The following MYO18B variants were observed in gnomAD, a reference collection of about 807,000 sequenced individuals.
MYO18B encodes myosin XVIIIB.
In MYO18B, 204 loss-of-function variants were observed where a neutral mutation model predicts 273.0. That is an observed-to-expected ratio of 0.75 (90% CI 0.67 to 0.84). The LOEUF (loss-of-function observed/expected upper bound fraction) is 0.84, where lower values mean the gene tolerates loss of function less well. MYO18B is among the 40% of genes least tolerant of loss of function. The pLI, the probability that MYO18B is intolerant of heterozygous loss-of-function variation, is 0.00. For missense variants in MYO18B, 3,212 were observed against 3,287.6 expected, an observed-to-expected ratio of 0.98 and a Z score of 0.56; for synonymous variants, 1,330 against 1,305.7, an observed-to-expected ratio of 1.02 and a Z score of -0.40.
At chr22:25,905,311 G>A (rs1350126206) in intron 31 of MYO18B, among the ~76,000 whole-genome samples, 1 of 152,174 alleles carries the variant, frequency 6.6e-6, no homozygotes, top group Non-Finnish European at 1.5e-5. Context: ...ACTAAGGAGC[G>A]ATAAGGAAGA....
In MYO18B at chr22:25,895,157, AGAC is replaced by A. The variant is rs2091768302; in HGVS notation, c.4548_4550del (p.Asp1516del). 9 of 1,612,738 alleles carry A rather than the reference AGAC, an allele frequency of 5.6e-6. No individual in the cohort carries two copies. Among genetic ancestry groups the A allele is most frequent in the Non-Finnish European group, 7.6e-6 (9 of 1,179,436 alleles). Reference sequence around the variant, plus strand: ...GGTCTCCCTGACTCCGTTAAACAGCAGACGAGTGGCAGATGCGCTTCGACTGTG... The same window carrying A: ...GGTCTCCCTGACTCCGTTAAACAGCAGAGTGGCAGATGCGCTTCGACTGTG... On this transcript the variant is annotated inframe_deletion and splice_region_variant, in exon 28 of 44. Coordinates refer to ENST00000335473, the MANE Select transcript of MYO18B (RefSeq NM_032608.7).
At chr22:25,843,538 A>G (rs529561154) in intron 17 of MYO18B, among the ~76,000 whole-genome samples, 197 bp from the exon 18 acceptor site, 13 of 152,256 alleles carry the variant, frequency 8.5e-5, no homozygotes, top group Non-Finnish European at 1.5e-4. Flanking sequence ...GATTTAAGAA[A>G]GCAAGAAAGA....
chr22:25,918,656 C>G (rs965454038), intron 33 of MYO18B, among the ~76,000 whole-genome samples: 2 of 152,226 alleles, frequency 1.3e-5, no homozygotes, highest in East Asian at 1.9e-4. Context: ...CAGTGAAGAT[C>G]GTAGAATCTG....
At chr22:25,955,429 T>A in intron 39 of MYO18B, 65 bp downstream of exon 39, 1 of 1,489,954 alleles carries the variant, frequency 6.7e-7, no homozygotes, top group Non-Finnish European at 9.0e-7. Context: ...GACCCCCCTT[T>A]CTTAAGACTT....
intron 32 of MYO18B, among the ~76,000 whole-genome samples, chr22:25,910,732 A>G (rs1024855994): frequency 6.6e-6 from 1 of 152,140 alleles, no homozygotes; most frequent in Non-Finnish European, 1.5e-5. Flanking sequence ...GGGGTTCCCC[A>G]TCATTGACCA....
chr22:25,842,496 A>C (rs1232350319), intron 17 of MYO18B, among the ~76,000 whole-genome samples: 1 of 151,900 alleles, frequency 6.6e-6, no homozygotes, highest in Non-Finnish European at 1.5e-5. Flanking sequence ...AACATGGTGA[A>C]ACCCCATCCC....
In MYO18B at chr22:25,770,180, A is replaced by G. The variant is rs2145595887; in HGVS notation, c.1579+4A>G. 6.2e-7 allele frequency: 1 copy of G among 1,613,940 alleles called. No individual in the cohort carries two copies. Among genetic ancestry groups the G allele is most frequent in the East Asian group, 2.2e-5 (1 of 44,880 alleles). ...CAGAAGGATGGATTTACTCTTGGTA[A>G]GTAGGGGTGTTAGCACCTTTGGAGG... On this transcript the variant is annotated splice_donor_region_variant and intron_variant, in intron 5 of 43. Transcript: ENST00000335473.
chr22:25,862,186 A>G (rs1330044399), intron 21 of MYO18B, among the ~76,000 whole-genome samples: 3 of 152,210 alleles, frequency 2.0e-5, no homozygotes, highest in Non-Finnish European at 2.9e-5. Context: ...GCCATTTTAT[A>G]TAAAGGACTC....
At chr22:26,041,063 C>T in the MYO18B span, among the ~76,000 whole-genome samples, 6 of 152,232 alleles carry the variant, frequency 3.9e-5, no homozygotes, top group South Asian at 2.1e-4. Flanking sequence ...ACCCACGGTC[C>T]GTGGGACTCC....
chr22:25,773,141 C>T (rs772551879), intron 7 of MYO18B, among the ~76,000 whole-genome samples: 2 of 152,180 alleles, frequency 1.3e-5, no homozygotes, highest in Non-Finnish European at 2.9e-5. Context: ...TGTGGACGCA[C>T]GAGGCACCTC....
downstream of MYO18B, among the ~76,000 whole-genome samples, chr22:26,034,012 G>A (rs1018845608): frequency 2.0e-5 from 3 of 151,394 alleles, no homozygotes; most frequent in Non-Finnish European, 4.4e-5. Context: ...GGAGTGAAAT[G>A]TGTGATCTTG....
chr22:25,891,202 C>T (rs1198698473), intron 26 of MYO18B, 102 bp from the exon 27 acceptor site: 8 of 874,182 alleles, frequency 9.2e-6, no homozygotes, highest in African/African-American at 1.7e-5. Flanking sequence ...CAGGGCTGTG[C>T]AGAGGGTGGC....
chr22:25,880,141 A>G (rs553756726), intron 25 of MYO18B, among the ~76,000 whole-genome samples: 2 of 152,322 alleles, frequency 1.3e-5, no homozygotes, highest in African/African-American at 2.4e-5. Context: ...CTGCTGTTCT[A>G]TGTAGACTTT....
chr22:25,913,126 C>T (rs1329661558), intron 33 of MYO18B, among the ~76,000 whole-genome samples: 1 of 152,122 alleles, frequency 6.6e-6, no homozygotes, highest in Non-Finnish European at 1.5e-5. Flanking sequence ...GAATTGCTGG[C>T]TCCTGGGAAT....
chr22:25,879,478 C>T (rs866384119), intron 25 of MYO18B, among the ~76,000 whole-genome samples: 6 of 152,060 alleles, frequency 3.9e-5, no homozygotes, highest in African/African-American at 9.7e-5. Flanking sequence ...ACCTGGGGTA[C>T]GGTCATGTGA....
chr22:25,786,154 T>G (rs1187959438), intron 11 of MYO18B, among the ~76,000 whole-genome samples: 1 of 152,234 alleles, frequency 6.6e-6, no homozygotes, highest in Non-Finnish European at 1.5e-5. Context: ...GCCTGTGTTG[T>G]GTTAGGTGTA....
intron 39 of MYO18B, among the ~76,000 whole-genome samples, chr22:25,981,341 T>C (rs1426797093): frequency 6.6e-6 from 1 of 152,230 alleles, no homozygotes; most frequent in Non-Finnish European, 1.5e-5. Flanking sequence ...TTGATGTTAC[T>C]GTGACAGCCA....
At position 26,027,326 on chromosome 22, in the gene MYO18B, C is replaced by T. The variant is rs758136346; in HGVS notation, c.7352C>T (p.Pro2451Leu). The T allele has an allele frequency of 8.7e-6, 14 of 1,613,866 alleles. 1 individual carries two copies. The South Asian group carries it at 1.5e-4, about 18-fold the overall frequency. The change falls in exon 43 of 44, where the codon CCC becomes CTC. Residue 2451 changes from proline (P) to leucine (L), a missense_variant. Transcript: ENST00000335473. This position sits in a 1 kb window ranked among gnomAD's most constrained non-coding sequence, Gnocchi z 4.1. ...FDDFLPAIRK[P>L]QTPTSLAGSA... ...GACTTCCTCCCAGCTATCCGGAAGC[C>T]CCAGACACCTACCTCCTTGGCTGGA...
chr22:26,004,346 A>G (rs578065018), intron 41 of MYO18B, among the ~76,000 whole-genome samples: 4 of 152,178 alleles, frequency 2.6e-5, no homozygotes, highest in Non-Finnish European at 4.4e-5. Flanking sequence ...TGAACACATC[A>G]AATTCAATGC....
Sources: gnomAD v4.1 joint callset for allele counts (sites outside exome capture counted in the v4.1 genomes callset) on GRCh38, gnomAD v4.1.1 for gene constraint, Gnocchi (gnomAD v3.1) non-coding constraint, MANE v1.5 for transcripts, NCBI Gene and HGNC (gene_info 2026-07-23, HGNC 2026-07-21) for gene names.